The following BUD13 variants were observed in gnomAD, a reference collection of about 807,000 sequenced individuals.
The protein encoded by BUD13 is BUD13 homolog.
BUD13 carries 47 observed loss-of-function variants against 62.5 expected under a neutral mutation model. The observed-to-expected ratio is 0.75, with a 90% CI of 0.60 to 0.96. The LOEUF (loss-of-function observed/expected upper bound fraction) is 0.96, where lower values mean the gene tolerates loss of function less well. Among genes scored for constraint, BUD13 ranks in the 40% least tolerant of loss-of-function variants. BUD13 has a pLI of 0.00. For synonymous variants in BUD13, 293 were observed against 280.1 expected (o/e 1.05, Z -0.46); for missense variants, 821 against 790.9 (o/e 1.04, Z -0.46).
chr11:116,765,887 G>GT (rs1940522847), intron 2 of BUD13, among the ~76,000 whole-genome samples: 1 of 152,094 alleles, frequency 6.6e-6, no homozygotes, highest in African/African-American at 2.4e-5. Context: ...ACAGTGATAG[G>GT]TTTTCTTGAA....
rs1052501728 is a variant in BUD13 at position 116,757,090 on chromosome 11, G to A, written c.1766+56C>T. On this transcript the variant is annotated intron_variant, in intron 9 of 9. Transcript: ENST00000260210. The stretch of plus-strand genomic sequence containing the variant: ...TGAAATAAAGTGTGGAGCAACTTAC[G>A]AGTGGTTAGGGAAGGTTACAGTCAG... 29 of 1,510,172 alleles carry A rather than the reference G, an allele frequency of 1.9e-5. 1 individual carries two copies. Among genetic ancestry groups the A allele is most frequent in the Middle Eastern group, 3.4e-4 (2 of 5,876 alleles). 93.5% of individuals were successfully genotyped at this position (1,510,172 alleles called of 1,614,324 possible).
At chr11:116,766,976 C>T (rs1437757900) in intron 2 of BUD13, among the ~76,000 whole-genome samples, 1 of 149,742 alleles carries the variant, frequency 6.7e-6, no homozygotes, top group Non-Finnish European at 1.5e-5. Flanking sequence ...TTGCTTGAGC[C>T]CAGGAGTTCA....
At chr11:116,758,937 G>A in intron 6 of BUD13, 137 bp downstream of exon 6, 1 of 665,992 alleles carries the variant, frequency 1.5e-6, no homozygotes, top group Non-Finnish European at 2.6e-6. Context: ...GATTCACTGA[G>A]AAATTACAAC....
intron 9 of BUD13, among the ~76,000 whole-genome samples, chr11:116,755,725 C>T (rs1209497226): frequency 2.0e-5 from 3 of 152,040 alleles, no homozygotes; most frequent in African/African-American, 7.3e-5. Context: ...CAATGCCATC[C>T]TTCTGTTTTT....
chr11:116,759,031 A>AAAC (rs56024416), intron 6 of BUD13, 43 bp downstream of exon 6: 495 of 1,410,680 alleles, frequency 3.5e-4, no homozygotes, highest in East Asian at 3.4e-3. Flanking sequence ...AAAAAAAAAA[A>AAAC]CAGTATGAGC....
Position 116,761,066 on chromosome 11 carries a change from TA to T in BUD13, c.1037-115del, listed in dbSNP as rs1268554937. ...GAAATTAAAGAATTCCTTACATTAT[TA>T]TTATTTTTTTTTTTTTGAGACAGTC... On this transcript the variant is annotated intron_variant, in intron 4 of 9. Transcript: ENST00000260210. The T allele has an allele frequency of 5.9e-5, 51 of 866,048 alleles. No individual in the cohort carries two copies. In the East Asian group the frequency reaches 1.4e-3, roughly 24 times the overall value. 53.6% of individuals were successfully genotyped at this position (866,048 alleles called of 1,614,324 possible).
At chr11:116,750,464 G>C (rs1940213749) in intron 9 of BUD13, among the ~76,000 whole-genome samples, 1 of 152,076 alleles carries the variant, frequency 6.6e-6, no homozygotes, top group Non-Finnish European at 1.5e-5. Context: ...CTACACAACG[G>C]AACTAGCCCT....
intron 8 of BUD13, among the ~76,000 whole-genome samples, chr11:116,757,456 C>G (rs954080836): frequency 6.8e-6 from 1 of 146,928 alleles, no homozygotes; most frequent in African/African-American, 2.5e-5. Flanking sequence ...CCACCATGAC[C>G]GGCTATTTTT....
intron 2 of BUD13, 50 bp from the exon 3 acceptor site, chr11:116,765,496 A>G (rs763168185): frequency 1.2e-5 from 19 of 1,598,418 alleles, no homozygotes; most frequent in Middle Eastern, 3.3e-4. Context: ...GATCCAGCCA[A>G]GAAGCACTGT....
At chr11:116,761,024 G>T in intron 4 of BUD13, 72 bp from the exon 5 acceptor site, 1 of 1,225,566 alleles carries the variant, frequency 8.2e-7, no homozygotes, top group Non-Finnish European at 1.2e-6. Context: ...ATCTCCTATG[G>T]CTGGGAGAAG....
intron 6 of BUD13, 143 bp from the exon 7 acceptor site, chr11:116,758,550 A>G (rs1217198524): frequency 1.3e-6 from 1 of 765,196 alleles, no homozygotes; most frequent in African/African-American, 1.8e-5. Context: ...ATCTTGGTGC[A>G]TATTGGCACT....
At position 116,770,906 on chromosome 11, in the gene BUD13, T is replaced by C. The variant is rs1565316873; in HGVS notation, c.144-684A>G. Among the ~76,000 whole-genome samples, 3 of 152,070 alleles carry C rather than the reference T, an allele frequency of 2.0e-5. No individual in the cohort carries two copies. The East Asian group carries it at 5.8e-4, about 29-fold the overall frequency. On this transcript the variant is annotated intron_variant, in intron 1 of 9. Transcript: ENST00000260210. ...CTTCCCGGGGTTAAGTTATTCTCCC[T>C]ACTCAGTCTCCCAAGTAGCTGGGAC...
At position 116,748,176 on chromosome 11, in the gene BUD13, T is replaced by A. The variant is rs188144954; in HGVS notation, c.*306A>T. ...GAATACCCAGTTAAGAAGATAATTT[T>A]AAAAAAATAAATACATGTTTATTTA... On this transcript the variant is annotated 3_prime_UTR_variant, in exon 10 of 10. Transcript: ENST00000260210. 14 of 241,484 alleles carry A rather than the reference T, an allele frequency of 5.8e-5. No individual in the cohort carries two copies. The highest frequency in any genetic ancestry group is 3.0e-4 in the Admixed American group (6 of 19,912). The allele number at this position is 241,484 out of a possible 1,614,324, so 15.0% of individuals were successfully genotyped here.
intron 4 of BUD13, 46 bp from the exon 5 acceptor site, chr11:116,760,998 G>T (rs1337078899): frequency 1.3e-6 from 2 of 1,484,272 alleles, no homozygotes; most frequent in South Asian, 2.3e-5. Flanking sequence ...TCCTCTAGGT[G>T]AAGAACTTAC....
chr11:116,760,642 AT>A, intron 5 of BUD13, 92 bp downstream of exon 5: 1 of 1,377,136 alleles, frequency 7.3e-7, no homozygotes, highest in South Asian at 1.2e-5. Context: ...TCAGAGCTAC[AT>A]CCTTCTTCTT....
intron 9 of BUD13, among the ~76,000 whole-genome samples, chr11:116,754,806 G>C (rs1277891854): frequency 6.6e-6 from 1 of 152,164 alleles, no homozygotes; most frequent in African/African-American, 2.4e-5. Flanking sequence ...TAAACTGTAT[G>C]CAAAGATGGA....
chr11:116,760,754 C>T lies in BUD13; in HGVS notation c.1235G>A (p.Ser412Asn). The change falls in exon 5 of 10, where the codon AGT (serine) becomes AAT (asparagine). Residue 412 changes from serine to asparagine, a missense_variant. Ser to Asn is a conservative substitution (Grantham distance 46). Coordinates refer to ENST00000260210, the MANE Select transcript of BUD13 (RefSeq NM_032725.4). ...CCTGACCTTCTTTCCAGGAGGCTGA[C>T]TCCTTCGAGGCGGGGACAGGTCAGA... ...SDSDLSPPRR[S>N]QPPGKKAAHM... 6.2e-7 allele frequency: 1 copy of T among 1,614,190 alleles called. No individual in the cohort carries two copies. Among genetic ancestry groups the T allele is most frequent in the South Asian group, 1.1e-5 (1 of 91,088 alleles).
chr11:116,765,553 G>A (rs909433654), intron 2 of BUD13, 107 bp from the exon 3 acceptor site: 31 of 1,158,820 alleles, frequency 2.7e-5, no homozygotes, highest in South Asian at 3.8e-5. Flanking sequence ...ACACAAGGGC[G>A]TACATATATC....
chr11:116,769,014 CAAAAA>C (rs34626460), intron 2 of BUD13, among the ~76,000 whole-genome samples: 1 of 90,168 alleles, frequency 1.1e-5, no homozygotes. Context: ...GACTCCGTCT[CAAAAA>C]AAAAAAAAAA....
Sources: allele counts gnomAD v4.1 joint callset (sites outside exome capture counted in the v4.1 genomes callset), GRCh38; gene constraint gnomAD v4.1.1; transcripts MANE v1.5; gene names NCBI Gene and HGNC (gene_info 2026-07-23, HGNC 2026-07-21).